Variants in FANCA observed in about 807,000 individuals in gnomAD.
FANCA encodes the protein Fanconi anemia group A protein.
FANCA carries 236 observed loss-of-function variants against 194.3 expected under a neutral mutation model. The ratio of observed to expected loss-of-function variants is 1.21; its 90% confidence interval spans 1.09 to 1.35. FANCA has a LOEUF of 1.35. Ranked by LOEUF, FANCA falls within the 40% of genes most tolerant of loss-of-function variation. The pLI, the probability that FANCA is intolerant of heterozygous loss-of-function variation, is 0.00. For missense variants in FANCA, 2,628 were observed against 1,813.9 expected, an observed-to-expected ratio of 1.45 and a Z score of -8.15; for synonymous variants, 1,014 against 715.8, an observed-to-expected ratio of 1.42 and a Z score of -6.65.
intron 22 of FANCA, among the ~76,000 whole-genome samples, chr16:89,772,386 C>T (rs1346723543): frequency 1.3e-5 from 2 of 152,336 alleles, no homozygotes; most frequent in African/African-American, 2.4e-5. Flanking sequence ...ACCGCCAAGG[C>T]GCTGCAGCCC....
chr16:89,747,649 C>T (rs1255340326), intron 33 of FANCA, among the ~76,000 whole-genome samples: 1 of 151,966 alleles, frequency 6.6e-6, no homozygotes, highest in African/African-American at 2.4e-5. Context: ...CAGGGTGAGC[C>T]AAGATTTCAC....
At chr16:89,776,171 T>C (rs866782394) in intron 20 of FANCA, among the ~76,000 whole-genome samples, 99 of 139,764 alleles carry the variant, frequency 7.1e-4, no homozygotes, top group Non-Finnish European at 1.4e-3. Flanking sequence ...TTTTTTTTTT[T>C]TTTTTTTTTT....
In FANCA at chr16:89,778,994, C is replaced by T. The variant is rs551108542; in HGVS notation, c.1725G>A (p.Arg575=). 16 of 1,613,546 alleles carry T rather than the reference C, an allele frequency of 9.9e-6. No homozygotes were observed. The Admixed American group carries it at 2.5e-4, about 25-fold the overall frequency. Residue 575 remains arginine (R), a synonymous_variant, in exon 19 of 43, where the codon AGG becomes AGA. Coordinates refer to ENST00000389301, the MANE Select transcript of FANCA (RefSeq NM_000135.4). ...GGAAGTGGGACACGTAGTAAGGCCT[C>T]CTGAATATGCTGCAACACAGAGAAG... ...PVTVMEASIF[R]RPYYVSHFLP...
At chr16:89,798,712 G>C in intron 10 of FANCA, 1 of 1,317,988 alleles carries the variant, frequency 7.6e-7, no homozygotes, top group South Asian at 1.6e-5. Context: ...GCCAAGCTTT[G>C]CCTACTGGTG....
At chr16:89,752,724 C>T (rs773254193) in intron 30 of FANCA, among the ~76,000 whole-genome samples, 10 of 152,190 alleles carry the variant, frequency 6.6e-5, no homozygotes, top group East Asian at 1.9e-4. Context: ...GACAAGAGTG[C>T]GAGCCTTCTG....
intron 30 of FANCA, 84 bp downstream of exon 30, chr16:89,758,493 C>T: frequency 1.9e-6 from 3 of 1,546,514 alleles, no homozygotes; most frequent in Non-Finnish European, 2.7e-6. Context: ...TAGATGGGCA[C>T]CAGCATGGCC....
chr16:89,749,692 A>G (rs1207044981), intron 32 of FANCA, 38 bp downstream of exon 32: 1 of 1,594,056 alleles, frequency 6.3e-7, no homozygotes, highest in Admixed American at 1.7e-5. Context: ...TGCCCTGCCC[A>G]GGTGGTGCTG....
intron 39 of FANCA, 90 bp from the exon 40 acceptor site, chr16:89,739,643 C>T: frequency 1.3e-6 from 2 of 1,511,846 alleles, no homozygotes; most frequent in Non-Finnish European, 1.8e-6. Context: ...GACGTGTACC[C>T]TGGGAGGCCT....
In FANCA at chr16:89,810,861, T is replaced by C. The variant is rs2074963; in HGVS notation, c.427-59A>G. On this transcript the variant is annotated intron_variant, in intron 4 of 42. Coordinates refer to ENST00000389301, the MANE Select transcript of FANCA (RefSeq NM_000135.4). ...ATTACCTGAAACAATACTAAAGCTA[T>C]GTCCTATTTTCCCAACCAGCTTAAA... 0.08 allele frequency: 128,629 copies of C among 1,612,556 alleles called. 6,200 individuals are homozygous for C. The highest frequency in any genetic ancestry group is 0.19 in the East Asian group (8,334 of 44,884).
chr16:89,767,002 C>T (rs1598105666), intron 27 of FANCA, 139 bp downstream of exon 27: 1 of 748,510 alleles, frequency 1.3e-6, no homozygotes, highest in Non-Finnish European at 2.4e-6. Flanking sequence ...TCAGGAGCTG[C>T]CCCATGACAG....
chr16:89,773,387 G>C lies in FANCA; in HGVS notation c.1901-3C>G. ...TGCCCTCACTCCCAGGGCTGCATCT[G>C]TGAGAAGAAGGAAGAAACCAGATGG... On this transcript the variant is annotated splice_polypyrimidine_tract_variant and splice_region_variant and intron_variant, in intron 21 of 42. Coordinates refer to ENST00000389301, the MANE Select transcript of FANCA (RefSeq NM_000135.4). 6.5e-7 allele frequency: 1 copy of C among 1,546,924 alleles called. No individual in the cohort carries two copies. The highest frequency in any genetic ancestry group is 8.7e-7 in the Non-Finnish European group (1 of 1,142,910).
At chr16:89,784,757 A>C (rs992311070) in intron 15 of FANCA, 97 bp downstream of exon 15, 34 of 893,008 alleles carry the variant, frequency 3.8e-5, no homozygotes, top group Non-Finnish European at 5.5e-5. Flanking sequence ...GGCTCAGAGC[A>C]GATCTGCAGG....
intron 38 of FANCA, 105 bp downstream of exon 38, chr16:89,740,699 A>T: frequency 1.1e-6 from 1 of 873,466 alleles, no homozygotes; most frequent in South Asian, 1.4e-5. Context: ...AAACACAAGG[A>T]GCTCCTGAGC....
rs186918456 is a variant in FANCA, at chr16:89,804,946, G to T, written c.709+334C>A. On this transcript the variant is annotated intron_variant, in intron 7 of 42. Coordinates refer to ENST00000389301, the MANE Select transcript of FANCA (RefSeq NM_000135.4). The stretch of plus-strand genomic sequence containing the variant: ...CAGCTACTAAGGAGGTTGAGGCAGA[G>T]AATCACTTGAACCCAGGAGGCGGAG... 6.2e-4 allele frequency among the ~76,000 whole-genome samples: 94 copies of T among 152,282 alleles called. No individual in the cohort carries two copies. In the Middle Eastern group the frequency reaches 0.014, roughly 22 times the overall value.
At chr16:89,791,349 C>A in intron 14 of FANCA, 54 bp downstream of exon 14, 2 of 1,601,634 alleles carry the variant, frequency 1.2e-6, no homozygotes, top group Non-Finnish European at 1.7e-6. Context: ...GGTCCCCACT[C>A]CCAGGCCTTC....
intron 10 of FANCA, among the ~76,000 whole-genome samples, chr16:89,797,266 G>A (rs534188581): frequency 3.3e-5 from 5 of 152,158 alleles, no homozygotes; most frequent in Admixed American, 6.5e-5. Context: ...AGGAGGCATA[G>A]GTTGTAGTAA....
At chr16:89,784,249 G>A (rs1356193359) in intron 15 of FANCA, among the ~76,000 whole-genome samples, 7 of 152,024 alleles carry the variant, frequency 4.6e-5, no homozygotes, top group Admixed American at 1.3e-4. Flanking sequence ...GCATGCGCCT[G>A]TAGTCCCAAC....
intron 11 of FANCA, 188 bp from the exon 12 acceptor site, chr16:89,792,735 A>G (rs1245387874): frequency 1.8e-6 from 1 of 552,276 alleles, no homozygotes; most frequent in Admixed American, 2.5e-5. Flanking sequence ...ACTACCATCA[A>G]TGCGCGGAGA....
intron 21 of FANCA, 94 bp downstream of exon 21, chr16:89,775,648 G>A (rs1448062809): frequency 8.7e-6 from 9 of 1,036,860 alleles, no homozygotes; most frequent in Admixed American, 4.0e-5. Flanking sequence ...AGCCACCCCC[G>A]AGCTCACTCG....
Sources: allele counts gnomAD v4.1 joint callset (sites outside exome capture counted in the v4.1 genomes callset), GRCh38; gene constraint gnomAD v4.1.1; transcripts MANE v1.5; gene names NCBI Gene and HGNC (gene_info 2026-07-23, HGNC 2026-07-21).